Variants in PRKN observed in about 807,000 individuals in gnomAD.
PRKN encodes the protein E3 ubiquitin-protein ligase parkin.
Under a neutral mutation model 59.5 loss-of-function variants are expected in PRKN, and 56 were observed. The observed-to-expected ratio is 0.94, with a 90% confidence interval of 0.76 to 1.18. The LOEUF (loss-of-function observed/expected upper bound fraction) is 1.18. Ranked by LOEUF, PRKN falls within the 50% of genes most tolerant of loss-of-function variation. The probability of loss-of-function intolerance (pLI) is 0.00; values close to 1 mark genes in which losing one functional copy is unlikely to be tolerated. For missense variants in PRKN, 657 were observed against 596.4 expected (o/e 1.10, Z -1.06); for synonymous variants, 250 against 222.1 (o/e 1.13, Z -1.12).
chr6:161,994,200 T>A (rs558585445), intron 5 of PRKN, among the ~76,000 whole-genome samples: 2 of 145,362 alleles, frequency 1.4e-5, no homozygotes, highest in Admixed American at 1.4e-4. Context: ...ATGTGATACA[T>A]CACATCAAGA....
chr6:162,529,768 G>A (rs1218400462), intron 1 of PRKN, among the ~76,000 whole-genome samples: 1 of 152,170 alleles, frequency 6.6e-6, no homozygotes, highest in African/African-American at 2.4e-5. Context: ...ATCAACCTAT[G>A]TAAGGGCAGG....
rs147740364 is a variant in PRKN at position 162,457,633 on chromosome 6, AAACTT to A, written c.8-14165_8-14161del. 8.2e-3 allele frequency among the ~76,000 whole-genome samples: 1,247 copies of A among 152,096 alleles called. 15 individuals carry two copies. Among genetic ancestry groups the A allele is most frequent in the African/African-American group, 0.029 (1,209 of 41,394 alleles). On this transcript the variant is annotated intron_variant, in intron 1 of 11. Transcript: ENST00000366898. ...AGAAATAAAAACTACACAAAATCCC[AAACTT>A]AAGAGTCAGGCGTTGAAACCAAATA...
At chr6:162,427,770 C>T (rs1013319895) in intron 2 of PRKN, among the ~76,000 whole-genome samples, 6 of 151,954 alleles carry the variant, frequency 3.9e-5, no homozygotes, top group African/African-American at 9.7e-5. Flanking sequence ...CTCAGCCTCC[C>T]GGGTAGCTGG....
chr6:162,407,795 AC>A (rs1459297880), intron 2 of PRKN, among the ~76,000 whole-genome samples: 7 of 152,210 alleles, frequency 4.6e-5, no homozygotes, highest in Admixed American at 4.6e-4. Context: ...AAGGAAAAAA[AC>A]GACTGATGTG....
At chr6:162,122,963 G>A (rs569390086) in intron 4 of PRKN, among the ~76,000 whole-genome samples, 6 of 149,852 alleles carry the variant, frequency 4.0e-5, no homozygotes, top group South Asian at 4.2e-4. Context: ...AAATGTCTTC[G>A]TACCCAAGAG....
chr6:162,161,731 G>A (rs1782768224), intron 4 of PRKN, among the ~76,000 whole-genome samples: 1 of 152,004 alleles, frequency 6.6e-6, no homozygotes, highest in Admixed American at 6.6e-5. Flanking sequence ...ACAATGCCTG[G>A]GCCGTTCACC....
chr6:162,375,081 G>C (rs1785988708), intron 2 of PRKN, among the ~76,000 whole-genome samples: 1 of 152,032 alleles, frequency 6.6e-6, no homozygotes. Flanking sequence ...TGTAACAATA[G>C]TCTTTGTAGT....
intron 10 of PRKN, among the ~76,000 whole-genome samples, chr6:161,367,601 G>A (rs1219619604): frequency 1.3e-5 from 2 of 152,014 alleles, no homozygotes; most frequent in African/African-American, 4.8e-5. Context: ...GAACGACATG[G>A]CATTCTGTTC....
intron 2 of PRKN, among the ~76,000 whole-genome samples, chr6:162,296,698 G>GA (rs1264553418): frequency 6.6e-6 from 1 of 152,042 alleles, no homozygotes; most frequent in Non-Finnish European, 1.5e-5. Flanking sequence ...TACCCAGCAG[G>GA]AAAAAAGCCA....
intron 7 of PRKN, among the ~76,000 whole-genome samples, chr6:161,759,172 TAAA>T (rs56049781): frequency 1.4e-4 from 21 of 148,094 alleles, no homozygotes; most frequent in African/African-American, 3.0e-4. Context: ...TGAGACTGTT[TAAA>T]AAAAAAAAAA....
Position 161,349,953 on chromosome 6 carries a change from C to A in PRKN, c.*146G>T. 1 of 680,736 alleles carries A rather than the reference C, an allele frequency of 1.5e-6. No homozygotes were observed. Among genetic ancestry groups the A allele is most frequent in the Non-Finnish European group, 2.7e-6 (1 of 371,004 alleles). The allele number at this position is 680,736 out of a possible 1,614,324, so 42.2% of individuals were successfully genotyped here. A position where few individuals can be genotyped will look rare whatever the true frequency, so the allele number is the denominator to read the frequency against. ...TCCAGGAGTTTCTTCTGCAATTTGG[C>A]TGTAGTTGGACTTTGAAAAAAACTT... On this transcript the variant is annotated 3_prime_UTR_variant, in exon 12 of 12. Coordinates refer to ENST00000366898, the MANE Select transcript of PRKN (RefSeq NM_004562.3). The surrounding 1 kb of genome is among the most constrained non-coding windows in gnomAD (Gnocchi z 5.5).
Position 161,766,644 on chromosome 6 carries a change from TA to T in PRKN, c.871+19127del, listed in dbSNP as rs1476967582. Among the ~76,000 whole-genome samples, 3 of 152,254 alleles carry T rather than the reference TA, an allele frequency of 2.0e-5. No individual in the cohort carries two copies. In the East Asian group the frequency reaches 5.8e-4, roughly 29 times the overall value. ...GAACACAGTTTGATAAACATCAATC[TA>T]AAGGTACTGCAGAGAGGCTGAGATG... is the stretch of plus-strand genomic sequence containing the variant. On this transcript the variant is annotated intron_variant, in intron 7 of 11. Transcript: ENST00000366898.
intron 6 of PRKN, among the ~76,000 whole-genome samples, chr6:161,932,348 T>C (rs924087831): frequency 6.6e-6 from 1 of 152,156 alleles, no homozygotes; most frequent in Non-Finnish European, 1.5e-5. Context: ...TGAATATTTA[T>C]ATTTTTATAT....
At chr6:161,598,192 C>T (rs1451131742) in intron 7 of PRKN, among the ~76,000 whole-genome samples, 1 of 152,200 alleles carries the variant, frequency 6.6e-6, no homozygotes, top group Non-Finnish European at 1.5e-5. Flanking sequence ...TCCAACTATG[C>T]TCGATGCCTA....
intron 6 of PRKN, among the ~76,000 whole-genome samples, chr6:161,963,339 G>C (rs1893101): frequency 0.34 from 52,300 of 152,148 alleles, 10,024 homozygotes; most frequent in South Asian, 0.51. Flanking sequence ...AAATGAAAAG[G>C]TAAGGCATAA....
At chr6:162,115,963 C>G (rs1047702269) in intron 4 of PRKN, among the ~76,000 whole-genome samples, 11 of 152,172 alleles carry the variant, frequency 7.2e-5, no homozygotes, top group Non-Finnish European at 1.5e-4. Flanking sequence ...TGTTTTACTT[C>G]CCGTCTCTAT....
Position 161,466,684 on chromosome 6 carries a change from T to G in PRKN, c.1084-79807A>C, listed in dbSNP as rs1310100530. Reference sequence around the variant, plus strand: ...CTAACCTTAAATAAATATGCAGCCATACTGCTAGGGCAAACATCCACACAC... The same window carrying G: ...CTAACCTTAAATAAATATGCAGCCAGACTGCTAGGGCAAACATCCACACAC... On this transcript the variant is annotated intron_variant, in intron 9 of 11. Coordinates refer to ENST00000366898, the MANE Select transcript of PRKN (RefSeq NM_004562.3). The surrounding 1 kb of genome is among the most constrained non-coding windows in gnomAD (Gnocchi z 5.0). Among the ~76,000 whole-genome samples, 1 of 152,178 alleles carries G rather than the reference T, an allele frequency of 6.6e-6. No homozygotes were observed. Among genetic ancestry groups the G allele is most frequent in the African/African-American group, 2.4e-5 (1 of 41,468 alleles).
Position 161,419,750 on chromosome 6 carries a change from C to T in PRKN, c.1084-32873G>A, listed in dbSNP as rs927651730. Among the ~76,000 whole-genome samples the T allele has an allele frequency of 2.0e-5, 3 of 151,886 alleles. No individual in the cohort carries two copies. Among genetic ancestry groups the T allele is most frequent in the Admixed American group, 2.0e-4 (3 of 15,250 alleles). ...TTGTGTTGAATAATTCTAGCCAGGC[C>T]GGAGTTCAGTTCTAGTCCTCCTACT... On this transcript the variant is annotated intron_variant, in intron 9 of 11. Coordinates refer to ENST00000366898, the MANE Select transcript of PRKN (RefSeq NM_004562.3). The surrounding 1 kb of genome is among the most constrained non-coding windows in gnomAD (Gnocchi z 4.1).
chr6:162,028,208 C>G (rs773420704), intron 5 of PRKN, among the ~76,000 whole-genome samples: 2 of 152,124 alleles, frequency 1.3e-5, no homozygotes, highest in Middle Eastern at 3.2e-3. Flanking sequence ...AAAGTGTGTG[C>G]GTGTTTTTAA....
Sources: allele counts gnomAD v4.1 joint callset (sites outside exome capture counted in the v4.1 genomes callset), GRCh38; gene constraint gnomAD v4.1.1; non-coding constraint Gnocchi (gnomAD v3.1); transcripts MANE v1.5; gene names NCBI Gene and HGNC (gene_info 2026-07-23, HGNC 2026-07-21).